PRKCZ: variants seen among roughly 807,000 people sequenced by gnomAD.
PRKCZ encodes protein kinase C zeta.
A neutral mutation model predicts 79.5 loss-of-function variants in PRKCZ; 33 were observed. The observed-to-expected ratio is 0.41, with a 90% CI of 0.31 to 0.55. The LOEUF is 0.55. Among genes scored for constraint, PRKCZ ranks in the 20% least tolerant of loss-of-function variants. The pLI, the probability that PRKCZ is intolerant of heterozygous loss-of-function variation, is 0.19. For missense variants in PRKCZ, 578 were observed against 813.5 expected, an observed-to-expected ratio of 0.71 and a Z score of 3.52; for synonymous variants, 342 against 320.9, an observed-to-expected ratio of 1.07 and a Z score of -0.70.
At chr1:2,083,399 G>A (rs1368160670) in intron 4 of PRKCZ, among the ~76,000 whole-genome samples, 2 of 152,148 alleles carry the variant, frequency 1.3e-5, no homozygotes, top group South Asian at 4.1e-4. Flanking sequence ...GTAGCTGCCA[G>A]TGTGAACTGT....
chr1:2,101,636 C>T (rs1477574605), intron 4 of PRKCZ, among the ~76,000 whole-genome samples: 2 of 152,222 alleles, frequency 1.3e-5, no homozygotes, highest in African/African-American at 4.8e-5. Context: ...CCCTGGGCTT[C>T]AGTTCCCCTT....
chr1:2,119,479 T>G (rs926148035), intron 4 of PRKCZ, among the ~76,000 whole-genome samples: 6 of 152,194 alleles, frequency 3.9e-5, no homozygotes, highest in African/African-American at 1.4e-4. Context: ...CCTCCCAAAG[T>G]GCTGGGTTTA....
At chr1:2,091,256 C>T (rs761863144) in intron 4 of PRKCZ, among the ~76,000 whole-genome samples, 3 of 152,190 alleles carry the variant, frequency 2.0e-5, no homozygotes, top group Admixed American at 6.5e-5. Flanking sequence ...AGGCTGCTCT[C>T]GAACTCCTGA....
intron 4 of PRKCZ, among the ~76,000 whole-genome samples, chr1:2,091,209 T>G (rs1665435603): frequency 6.6e-6 from 1 of 152,188 alleles, no homozygotes; most frequent in South Asian, 2.1e-4. Context: ...TTTTTGTATT[T>G]TTAGTAGAGA....
chr1:2,070,823 C>G (rs1661511602), intron 4 of PRKCZ, among the ~76,000 whole-genome samples: 1 of 151,162 alleles, frequency 6.6e-6, no homozygotes, highest in African/African-American at 2.4e-5. Context: ...CGGGGTGGGC[C>G]AGGAAGGGGA....
chr1:2,175,094 C>T (rs1685181678), intron 15 of PRKCZ, 130 bp from the exon 16 acceptor site: 1 of 806,634 alleles, frequency 1.2e-6, no homozygotes, highest in South Asian at 1.7e-5. Flanking sequence ...AAGGAAACAT[C>T]TGATTTCCAC....
At position 2,177,840 on chromosome 1, in the gene PRKCZ, C is replaced by T. The variant is rs1685772594; in HGVS notation, c.1575+2527C>T. Among the ~76,000 whole-genome samples the T allele has an allele frequency of 1.3e-5, 2 of 152,156 alleles. No homozygotes were observed. The highest frequency in any genetic ancestry group is 1.5e-5 in the Non-Finnish European group (1 of 68,020). On this transcript the variant is annotated intron_variant, in intron 16 of 17. Coordinates refer to ENST00000378567, the MANE Select transcript of PRKCZ (RefSeq NM_002744.6). This position sits in a 1 kb window ranked among gnomAD's most constrained non-coding sequence, Gnocchi z 6.4. ...GCTGCTGCGGGCTGTGTTGTGACTT[C>T]CATCCCAGCCTGAGAGGCCTGCGAA...
upstream of PRKCZ, among the ~76,000 whole-genome samples, chr1:2,048,628 G>C (rs1184248898): frequency 6.6e-6 from 1 of 152,196 alleles, no homozygotes; most frequent in Non-Finnish European, 1.5e-5. Context: ...AGATGGAGTG[G>C]GGGAAGACGT....
At chr1:2,048,543 C>T (rs934206587), upstream of PRKCZ, among the ~76,000 whole-genome samples, 7 of 151,320 alleles carry the variant, frequency 4.6e-5, no homozygotes, top group African/African-American at 1.2e-4. Flanking sequence ...AAAGAGGCCT[C>T]GAGGCCGGGG....
At chr1:2,120,524 A>T (rs555599462) in intron 4 of PRKCZ, among the ~76,000 whole-genome samples, 4 of 151,632 alleles carry the variant, frequency 2.6e-5, no homozygotes, top group African/African-American at 9.7e-5. Flanking sequence ...GCTGGTCTGG[A>T]ACTCCTGATC....
At chr1:2,050,116 C>G (rs916854001), upstream of PRKCZ, 2 of 151,840 alleles carry the variant, frequency 1.3e-5, no homozygotes, top group African/African-American at 4.8e-5. Context: ...ACTCGCGTTT[C>G]CAGCGAGTTC....
intron 4 of PRKCZ, among the ~76,000 whole-genome samples, chr1:2,065,328 T>G (rs906613118): frequency 3.7e-4 from 57 of 152,342 alleles, no homozygotes; most frequent in African/African-American, 1.3e-3. Flanking sequence ...GGATGCCTTG[T>G]ATTTCTTTTT....
At chr1:2,102,532 C>T (rs1281234977) in intron 4 of PRKCZ, among the ~76,000 whole-genome samples, 1 of 151,832 alleles carries the variant, frequency 6.6e-6, no homozygotes, top group Non-Finnish European at 1.5e-5. Flanking sequence ...TGGGGTTTCA[C>T]TGTGTTAGCC....
intron 16 of PRKCZ, 91 bp downstream of exon 16, chr1:2,175,404 C>A: frequency 1.0e-6 from 1 of 982,174 alleles, no homozygotes; most frequent in Non-Finnish European, 1.5e-6. Flanking sequence ...CCAATATTCA[C>A]CCAACCCCCA....
At position 2,173,883 on chromosome 1, in the gene PRKCZ, G is replaced by A. The variant is rs1557738969; in HGVS notation, c.1286-14G>A. 2 of 1,584,588 alleles carry A rather than the reference G, an allele frequency of 1.3e-6. No homozygotes were observed. The highest frequency in any genetic ancestry group is 1.7e-6 in the Non-Finnish European group (2 of 1,162,958). On this transcript the variant is annotated splice_polypyrimidine_tract_variant and intron_variant, in intron 13 of 17. Coordinates refer to ENST00000378567, the MANE Select transcript of PRKCZ (RefSeq NM_002744.6). This position sits in a 1 kb window ranked among gnomAD's most constrained non-coding sequence, Gnocchi z 5.7. ...TGTGGCCCCACTCGGTGATGGCTGT[G>A]TGCTCTCCCCCAGGGTTCAGCGTGG... is the stretch of plus-strand genomic sequence containing the variant.
intron 4 of PRKCZ, among the ~76,000 whole-genome samples, chr1:2,060,185 G>A (rs1415233273): frequency 1.3e-5 from 2 of 152,122 alleles, no homozygotes; most frequent in African/African-American, 2.4e-5. Context: ...ACCCCACACG[G>A]CCTCCAGCAT....
rs1553153092 is a variant in PRKCZ, at chr1:2,118,739, G to GTGTGTGTGTGTT, written c.335-16512_335-16511insTTGTGTGTGTGT. Among the ~76,000 whole-genome samples the GTGTGTGTGTGTT allele has an allele frequency of 4.4e-4, 65 of 148,712 alleles. 1 individual carries two copies. In the East Asian group the frequency reaches 4.5e-3, roughly 10 times the overall value. On this transcript the variant is annotated intron_variant, in intron 4 of 17. Coordinates refer to ENST00000378567, the MANE Select transcript of PRKCZ (RefSeq NM_002744.6). ...TGTGTGTGTGTGTGTGTGTGTGTGT[G>GTGTGTGTGTGTT]TGTGTGTGTGTGTGTGAGATGAGGG...
chr1:2,072,054 A>G (rs949285947), intron 4 of PRKCZ, among the ~76,000 whole-genome samples: 2 of 152,258 alleles, frequency 1.3e-5, no homozygotes, highest in Non-Finnish European at 2.9e-5. Flanking sequence ...AGCACTAGGC[A>G]GTGTAGGTTG....
intron 4 of PRKCZ, among the ~76,000 whole-genome samples, chr1:2,114,784 AAAAAG>A (rs1330001807): frequency 1.3e-5 from 2 of 151,926 alleles, no homozygotes; most frequent in Non-Finnish European, 2.9e-5. Context: ...AAAAAAAAAG[AAAAAG>A]AAAAAGAAAA....
Sources: gnomAD v4.1 joint callset for allele counts (sites outside exome capture counted in the v4.1 genomes callset) on GRCh38, gnomAD v4.1.1 for gene constraint, Gnocchi (gnomAD v3.1) non-coding constraint, MANE v1.5 for transcripts, NCBI Gene and HGNC (gene_info 2026-07-23, HGNC 2026-07-21) for gene names.